RANBP2: variants seen among roughly 807,000 people sequenced by gnomAD.
RANBP2 encodes the protein E3 SUMO-protein ligase RanBP2.
A neutral mutation model predicts 303.6 loss-of-function variants in RANBP2; 57 were observed. The observed-to-expected ratio is 0.19, with a 90% CI of 0.15 to 0.23. The LOEUF is 0.23. Ranked by LOEUF, RANBP2 falls within the 10% of genes least tolerant of loss-of-function variation. RANBP2 has a pLI of 1.00. For missense variants in RANBP2, 3,138 were observed against 3,780.8 expected, an observed-to-expected ratio of 0.83 and a Z score of 4.46; for synonymous variants, 1,167 against 1,301.5, an observed-to-expected ratio of 0.90 and a Z score of 2.23.
the RANBP2 span, among the ~76,000 whole-genome samples, chr2:109,322,557 A>G: frequency 6.6e-6 from 1 of 152,256 alleles, no homozygotes; most frequent in Admixed American, 6.5e-5. Flanking sequence ...AATAGTGTGC[A>G]CTGATTTTGA....
At chr2:109,729,449 C>T in the RANBP2 span, among the ~76,000 whole-genome samples, 15 of 152,024 alleles carry the variant, frequency 9.9e-5, no homozygotes, top group Non-Finnish European at 2.1e-4. Flanking sequence ...GAATTCGAGC[C>T]CAGCCTGGCC....
At chr2:109,052,783 A>C in the RANBP2 span, among the ~76,000 whole-genome samples, 3 of 152,176 alleles carry the variant, frequency 2.0e-5, no homozygotes, top group African/African-American at 4.8e-5. Context: ...TACAGGTGTG[A>C]GCCACCCGGC....
At chr2:108,808,223 G>A in the RANBP2 span, among the ~76,000 whole-genome samples, 2 of 152,102 alleles carry the variant, frequency 1.3e-5, no homozygotes, top group African/African-American at 4.8e-5. Context: ...TAAAGAAAAT[G>A]TATAACCACA....
chr2:108,865,413 A>AT, the RANBP2 span, among the ~76,000 whole-genome samples: 7 of 152,142 alleles, frequency 4.6e-5, no homozygotes. Flanking sequence ...GTTTCTAGAG[A>AT]TTCATCTCTT....
the RANBP2 span, among the ~76,000 whole-genome samples, chr2:109,695,826 C>A: frequency 6.6e-6 from 1 of 151,994 alleles, no homozygotes; most frequent in African/African-American, 2.4e-5. Context: ...GTAGAATTTG[C>A]CAAAAAGGTT....
chr2:108,803,151 T>C, the RANBP2 span, among the ~76,000 whole-genome samples: 1 of 152,218 alleles, frequency 6.6e-6, no homozygotes, highest in Non-Finnish European at 1.5e-5. Context: ...ATTAAAGTGT[T>C]AGCCAAGACT....
chr2:108,807,174 T>A, the RANBP2 span, among the ~76,000 whole-genome samples: 1 of 152,144 alleles, frequency 6.6e-6, no homozygotes, highest in Non-Finnish European at 1.5e-5. Flanking sequence ...GATCCAGATA[T>A]TGGAATTTAA....
chr2:109,659,872 G>T, the RANBP2 span, among the ~76,000 whole-genome samples: 1 of 152,170 alleles, frequency 6.6e-6, no homozygotes, highest in Non-Finnish European at 1.5e-5. Flanking sequence ...CAGGTATGAG[G>T]GTTGGACACC....
chr2:109,131,695 G>T, the RANBP2 span, among the ~76,000 whole-genome samples: 1 of 152,186 alleles, frequency 6.6e-6, no homozygotes, highest in Non-Finnish European at 1.5e-5. Flanking sequence ...TTTAGAACTT[G>T]TCAAAGGGGT....
the RANBP2 span, among the ~76,000 whole-genome samples, chr2:109,472,421 C>T: frequency 6.6e-6 from 1 of 152,172 alleles, no homozygotes. Flanking sequence ...TCCAAACCAT[C>T]CTGCAGAGCT....
the RANBP2 span, among the ~76,000 whole-genome samples, chr2:109,670,609 C>T: frequency 6.6e-6 from 1 of 152,148 alleles, no homozygotes; most frequent in African/African-American, 2.4e-5. Flanking sequence ...CCCCAGACTC[C>T]AAACTCTAGA....
the RANBP2 span, among the ~76,000 whole-genome samples, chr2:109,301,909 G>A: frequency 6.6e-5 from 10 of 152,270 alleles, no homozygotes; most frequent in East Asian, 1.7e-3. Flanking sequence ...TAGCTTCCCC[G>A]GTGCGGGACC....
At chr2:109,516,238 G>T in the RANBP2 span, among the ~76,000 whole-genome samples, 1 of 152,176 alleles carries the variant, frequency 6.6e-6, no homozygotes, top group African/African-American at 2.4e-5. Flanking sequence ...CCCATGCTGG[G>T]CCTGAAGGAC....
At chr2:108,869,077 C>CT in the RANBP2 span, among the ~76,000 whole-genome samples, 3 of 151,794 alleles carry the variant, frequency 2.0e-5, no homozygotes, top group Non-Finnish European at 4.4e-5. Flanking sequence ...ATTGTACATG[C>CT]TCAAGCAGAG....
chr2:109,179,850 G>A, the RANBP2 span, among the ~76,000 whole-genome samples: 3 of 152,174 alleles, frequency 2.0e-5, no homozygotes, highest in Non-Finnish European at 2.9e-5. Context: ...GCTAAACCAC[G>A]CTGTCTCTTA....
the RANBP2 span, among the ~76,000 whole-genome samples, chr2:109,164,327 C>T: frequency 6.6e-6 from 1 of 152,158 alleles, no homozygotes; most frequent in Non-Finnish European, 1.5e-5. Flanking sequence ...AGGACTACAG[C>T]ACAGGCTGCA....
the RANBP2 span, among the ~76,000 whole-genome samples, chr2:108,936,058 A>G: frequency 2.6e-5 from 4 of 152,196 alleles, no homozygotes; most frequent in Non-Finnish European, 2.9e-5. Flanking sequence ...GGAGAAGCAG[A>G]GTCACTGCCT....
At chr2:109,544,906 G>C in the RANBP2 span, 1 of 947,586 alleles carries the variant, frequency 1.1e-6, no homozygotes, top group Non-Finnish European at 1.3e-6. Context: ...GATCATACAT[G>C]AGAATTCCTT....
the RANBP2 span, among the ~76,000 whole-genome samples, chr2:109,031,495 G>C: frequency 6.6e-6 from 1 of 152,248 alleles, no homozygotes; most frequent in Non-Finnish European, 1.5e-5. Context: ...TAGCAGCAGG[G>C]GATGCGCGCT....
Sources: gnomAD v4.1 joint callset for allele counts (sites outside exome capture counted in the v4.1 genomes callset) on GRCh38, gnomAD v4.1.1 for gene constraint, MANE v1.5 for transcripts, NCBI Gene and HGNC (gene_info 2026-07-23, HGNC 2026-07-21) for gene names.